The following ATXN1 variants were observed in gnomAD, a reference collection of about 807,000 sequenced individuals.
The protein encoded by ATXN1 is ataxin-1.
Under a neutral mutation model 56.4 loss-of-function variants are expected in ATXN1, and 8 were observed. The ratio of observed to expected loss-of-function variants is 0.14; its 90% CI spans 0.08 to 0.26. The LOEUF is 0.26. ATXN1 is among the 10% of genes least tolerant of loss of function. ATXN1 has a pLI of 1.00. For synonymous variants in ATXN1, 514 were observed against 494.6 expected, an observed-to-expected ratio of 1.04 and a Z score of -0.52; for missense variants, 987 against 1,106.5, an observed-to-expected ratio of 0.89 and a Z score of 1.53.
chr6:16,720,716 A>G (rs1199620148), intron 2 of ATXN1, among the ~76,000 whole-genome samples: 1 of 152,220 alleles, frequency 6.6e-6, no homozygotes, highest in Non-Finnish European at 1.5e-5. Context: ...GAGCTAAAGC[A>G]TGGTATAAAG....
intron 2 of ATXN1, among the ~76,000 whole-genome samples, chr6:16,670,434 T>G (rs1257013798): frequency 6.6e-6 from 1 of 152,132 alleles, no homozygotes; most frequent in African/African-American, 2.4e-5. Context: ...AAGGGGGATG[T>G]GAAACATATA....
At chr6:16,454,804 A>G (rs1375496495) in intron 6 of ATXN1, among the ~76,000 whole-genome samples, 1 of 152,226 alleles carries the variant, frequency 6.6e-6, no homozygotes, top group Non-Finnish European at 1.5e-5. Flanking sequence ...CAGCAAAACC[A>G]AGAAATTAAT....
At chr6:16,761,065 T>TACACACACACACAC (rs3831007) in intron 1 of ATXN1, 1 of 290,166 alleles carries the variant, frequency 3.4e-6, no homozygotes, top group Admixed American at 4.5e-5. Context: ...TGTACACACA[T>TACACACACACACAC]ACACACACAC....
intron 6 of ATXN1, among the ~76,000 whole-genome samples, chr6:16,424,350 G>A (rs1483014674): frequency 1.3e-5 from 2 of 152,174 alleles, no homozygotes; most frequent in East Asian, 1.9e-4. Context: ...AGCCATTTAC[G>A]CAGCTCATCT....
At chr6:16,539,465 A>C (rs1761670310) in intron 4 of ATXN1, among the ~76,000 whole-genome samples, 1 of 152,206 alleles carries the variant, frequency 6.6e-6, no homozygotes, top group Non-Finnish European at 1.5e-5. Context: ...GAGAATTGGA[A>C]TCTAATGAAA....
At chr6:16,313,701 T>C (rs180003) in intron 7 of ATXN1, among the ~76,000 whole-genome samples, 101,285 of 151,574 alleles carry the variant, frequency 0.67, 34,821 homozygotes, top group African/African-American at 0.84. Flanking sequence ...GGATTACAGG[T>C]GCCCACCACC....
intron 6 of ATXN1, among the ~76,000 whole-genome samples, chr6:16,399,149 T>C (rs1443965797): frequency 6.6e-6 from 1 of 152,220 alleles, no homozygotes; most frequent in Non-Finnish European, 1.5e-5. Context: ...TGGACTGACC[T>C]TGTGGCTGGA....
chr6:16,582,274 G>A (rs943807543), intron 4 of ATXN1, among the ~76,000 whole-genome samples: 1 of 152,160 alleles, frequency 6.6e-6, no homozygotes, highest in Non-Finnish European at 1.5e-5. Flanking sequence ...CAGTTATGAT[G>A]GTGTTGACTG....
At chr6:16,718,894 C>T (rs1759692319) in intron 2 of ATXN1, among the ~76,000 whole-genome samples, 1 of 152,214 alleles carries the variant, frequency 6.6e-6, no homozygotes, top group Admixed American at 6.5e-5. Flanking sequence ...ACATAGGATT[C>T]ATTAAGTGAA....
At chr6:16,580,064 A>T (rs1352609778) in intron 4 of ATXN1, among the ~76,000 whole-genome samples, 2 of 152,206 alleles carry the variant, frequency 1.3e-5, no homozygotes, top group East Asian at 3.8e-4. Flanking sequence ...ATAAAAAAAA[A>T]GTACTTCCAA....
At position 16,326,723 on chromosome 6, in the gene ATXN1, T is replaced by C. The variant is rs752776822; in HGVS notation, c.1588A>G (p.Ser530Gly). Reference protein sequence around the residue: ...HTFVTTALPKSENFNPEALVT... With the variant: ...HTFVTTALPKGENFNPEALVT... Reference sequence around the variant, plus strand: ...AGGGCCTCAGGGTTGAAGTTCTCGCTCTTGGGAAGGGCGGTGGTGACGAAC... The same window carrying C: ...AGGGCCTCAGGGTTGAAGTTCTCGCCCTTGGGAAGGGCGGTGGTGACGAAC... Residue 530 changes from serine to glycine, a missense_variant, in exon 7 of 8, where the codon AGC (serine) becomes GGC (glycine). Ser to Gly is a moderately conservative substitution (Grantham distance 56). Around this residue, in one of 3 missense-constraint regions of ATXN1, gnomAD observed 723 missense variants for 791.7 expected, o/e 0.91. Coordinates refer to ENST00000436367, the MANE Select transcript of ATXN1 (RefSeq NM_001128164.2). This position sits in a 1 kb window ranked among gnomAD's most constrained non-coding sequence, Gnocchi z 6.6. 5 of 1,613,664 alleles carry C rather than the reference T, an allele frequency of 3.1e-6. No homozygotes were observed. The Middle Eastern group carries it at 4.9e-4, about 160-fold the overall frequency.
At chr6:16,681,163 G>A (rs1222491670) in intron 2 of ATXN1, among the ~76,000 whole-genome samples, 4 of 152,164 alleles carry the variant, frequency 2.6e-5, no homozygotes, top group East Asian at 1.9e-4. Flanking sequence ...CTATTTAATG[G>A]CTGTTGTAAG....
intron 6 of ATXN1, among the ~76,000 whole-genome samples, chr6:16,370,751 T>C (rs960727243): frequency 6.6e-6 from 1 of 152,246 alleles, no homozygotes; most frequent in Non-Finnish European, 1.5e-5. Context: ...TTCTTTCACT[T>C]AACATTGTAT....
intron 7 of ATXN1, among the ~76,000 whole-genome samples, chr6:16,322,411 G>C (rs1178249310): frequency 6.6e-6 from 1 of 152,096 alleles, no homozygotes; most frequent in Non-Finnish European, 1.5e-5. Flanking sequence ...GTGATGTTGG[G>C]GGGGTCTTAT....
intron 6 of ATXN1, among the ~76,000 whole-genome samples, chr6:16,428,775 A>G (rs1268823930): frequency 6.6e-6 from 1 of 152,066 alleles, no homozygotes; most frequent in African/African-American, 2.4e-5. Flanking sequence ...CACACAACTC[A>G]CTACACATCA....
chr6:16,392,501 C>CT (rs71714432), intron 6 of ATXN1, among the ~76,000 whole-genome samples: 3,081 of 146,970 alleles, frequency 0.021, 81 homozygotes, highest in African/African-American at 0.067. Context: ...CCAACCCATT[C>CT]TTTTTTTTTT....
At chr6:16,533,265 A>T (rs1456449274) in intron 4 of ATXN1, among the ~76,000 whole-genome samples, 2 of 152,236 alleles carry the variant, frequency 1.3e-5, no homozygotes, top group African/African-American at 4.8e-5. Flanking sequence ...TGACCTTATA[A>T]GGGAGCTTTT....
chr6:16,327,654 C>CTGCTGCTGCTGA lies in ATXN1; in HGVS notation c.656_657insTCAGCAGCAGCA (p.Gln218_Gln219insHisGlnGlnGln). 1 of 1,551,552 alleles carries CTGCTGCTGCTGA rather than the reference C, an allele frequency of 6.4e-7. No individual in the cohort carries two copies. Among genetic ancestry groups the CTGCTGCTGCTGA allele is most frequent in the East Asian group, 2.5e-5 (1 of 39,832 alleles). ...TGAGGTGCTGCTGCTGCTGCTGCTG[C>CTGCTGCTGCTGA]TGCTGCTGCTGCTGCTGCTGCTGAT... On this transcript the variant is annotated inframe_insertion, in exon 7 of 8. Coordinates refer to ENST00000436367, the MANE Select transcript of ATXN1 (RefSeq NM_001128164.2).
At chr6:16,568,997 C>T (rs1201868105) in intron 4 of ATXN1, among the ~76,000 whole-genome samples, 2 of 152,160 alleles carry the variant, frequency 1.3e-5, no homozygotes, top group Non-Finnish European at 2.9e-5. Context: ...TAAACAAGAA[C>T]AGGACCCAGC....
Sources: allele counts gnomAD v4.1 joint callset (sites outside exome capture counted in the v4.1 genomes callset), GRCh38; gene constraint gnomAD v4.1.1; regional missense constraint gnomAD v4.1.1; non-coding constraint Gnocchi (gnomAD v3.1); transcripts MANE v1.5; gene names NCBI Gene and HGNC (gene_info 2026-07-23, HGNC 2026-07-21).